The following CDH7 variants were observed in gnomAD, a reference collection of about 807,000 sequenced individuals.
CDH7 encodes cadherin-7.
A neutral mutation model predicts 71.8 loss-of-function variants in CDH7; 25 were observed. That is an observed-to-expected ratio of 0.35 (90% CI 0.25 to 0.49). CDH7 has a LOEUF of 0.49. Among genes scored for constraint, CDH7 ranks in the 20% least tolerant of loss-of-function variants. The pLI is 0.99. For synonymous variants in CDH7, 381 were observed against 363.8 expected (o/e 1.05, Z -0.54); for missense variants, 862 against 974.6 (o/e 0.88, Z 1.54).
At chr18:65,794,664 G>A (rs890624072) in intron 2 of CDH7, among the ~76,000 whole-genome samples, 21 of 151,958 alleles carry the variant, frequency 1.4e-4, no homozygotes, top group Middle Eastern at 3.4e-3. Context: ...TGGATTTTTC[G>A]TGTGGGGAAA....
Position 65,880,816 on chromosome 18 carries a change from C to A in CDH7, c.2280C>A (p.Asp760Glu). Residue 760 changes from aspartate (D) to glutamate (E), a missense_variant, in exon 12 of 12, where the codon GAC becomes GAA. Transcript: ENST00000397968. ...SISSNSDQNY[D>E]YLSDWGPRFK... ...GCTCAAACTCTGATCAGAACTATGA[C>A]TACCTAAGTGACTGGGGACCTCGCT... 6.2e-7 allele frequency: 1 copy of A among 1,614,106 alleles called. No individual in the cohort carries two copies. The highest frequency in any genetic ancestry group is 8.5e-7 in the Non-Finnish European group (1 of 1,180,000).
At chr18:65,762,268 G>T (rs570606092) in intron 1 of CDH7, among the ~76,000 whole-genome samples, 1 of 151,702 alleles carries the variant, frequency 6.6e-6, no homozygotes, top group Non-Finnish European at 1.5e-5. Context: ...TAATACCAAC[G>T]AATGAAAATC....
chr18:65,810,837 G>T (rs1236052321), intron 3 of CDH7, among the ~76,000 whole-genome samples: 3 of 152,158 alleles, frequency 2.0e-5, no homozygotes, highest in Admixed American at 6.5e-5. Flanking sequence ...ACGGTAAGGA[G>T]TTACCCATTT....
intron 4 of CDH7, 65 bp from the exon 5 acceptor site, chr18:65,822,016 G>A (rs966419110): frequency 3.2e-6 from 4 of 1,237,584 alleles, no homozygotes; most frequent in Admixed American, 3.4e-5. Flanking sequence ...ACTTGTATCA[G>A]TATTCTTTGT....
At chr18:65,800,554 G>A (rs1330473849) in intron 2 of CDH7, among the ~76,000 whole-genome samples, 3 of 152,146 alleles carry the variant, frequency 2.0e-5, no homozygotes, top group Admixed American at 6.5e-5. Context: ...CTCAGGCAGA[G>A]CTCAAAAATT....
chr18:65,799,611 GC>G (rs1211118383), intron 2 of CDH7, among the ~76,000 whole-genome samples: 2 of 152,026 alleles, frequency 1.3e-5, no homozygotes, highest in Non-Finnish European at 2.9e-5. Flanking sequence ...AGGAGGCGGA[GC>G]TTGCAGTGAG....
intron 5 of CDH7, 112 bp from the exon 6 acceptor site, chr18:65,824,532 T>C (rs1912053287): frequency 1.7e-6 from 1 of 592,666 alleles, no homozygotes; most frequent in African/African-American, 1.9e-5. Flanking sequence ...GCATATATTT[T>C]ATTAAAAAAT....
intron 1 of CDH7, among the ~76,000 whole-genome samples, chr18:65,761,038 A>G (rs1216803411): frequency 2.0e-5 from 3 of 152,246 alleles, no homozygotes; most frequent in Non-Finnish European, 4.4e-5. Flanking sequence ...GGTGGTTTCT[A>G]AATGGAATAA....
chr18:65,849,561 C>T (rs539549825), intron 7 of CDH7, among the ~76,000 whole-genome samples: 147 of 151,574 alleles, frequency 9.7e-4, no homozygotes, highest in Non-Finnish European at 1.8e-3. Flanking sequence ...TACAGGCATC[C>T]GCCACCACAC....
chr18:65,857,145 G>C (rs1243486791), intron 7 of CDH7, among the ~76,000 whole-genome samples: 1 of 151,486 alleles, frequency 6.6e-6, no homozygotes, highest in East Asian at 1.9e-4. Context: ...TCGTGACCAG[G>C]GTTACCAAAT....
intron 7 of CDH7, among the ~76,000 whole-genome samples, chr18:65,848,024 CTTG>C (rs1191780901): frequency 1.1e-4 from 17 of 151,818 alleles, no homozygotes; most frequent in African/African-American, 4.1e-4. Context: ...ACGTTTCCGG[CTTG>C]TTATTTGATA....
chr18:65,836,484 G>A (rs1912536989), intron 6 of CDH7, among the ~76,000 whole-genome samples: 2 of 151,930 alleles, frequency 1.3e-5, no homozygotes, highest in Non-Finnish European at 2.9e-5. Context: ...CTCCTGATAT[G>A]TATATCATTA....
chr18:65,816,580 G>A (rs1266957654), intron 4 of CDH7, among the ~76,000 whole-genome samples: 2 of 152,138 alleles, frequency 1.3e-5, no homozygotes, highest in Non-Finnish European at 2.9e-5. Context: ...GGCCATCACT[G>A]TTAGGTGCAT....
At chr18:65,803,689 G>A (rs1300534108) in intron 2 of CDH7, 5 of 151,960 alleles carry the variant, frequency 3.3e-5, no homozygotes, top group Admixed American at 1.3e-4. Context: ...TTTATAATAT[G>A]TATATTCAGG....
chr18:65,754,253 A>T (rs12454302), intron 1 of CDH7, among the ~76,000 whole-genome samples: 54,054 of 152,002 alleles, frequency 0.36, 10,002 homozygotes, highest in Middle Eastern at 0.48. Context: ...ATCCACTTTG[A>T]GAAGTTTTCT....
chr18:65,855,710 A>G (rs552895653), intron 7 of CDH7, among the ~76,000 whole-genome samples: 6 of 152,286 alleles, frequency 3.9e-5, no homozygotes, highest in African/African-American at 1.4e-4. Context: ...TGTTCAGGAA[A>G]TATGAGAAGA....
chr18:65,829,857 G>A (rs1912275881), intron 6 of CDH7, among the ~76,000 whole-genome samples: 1 of 150,032 alleles, frequency 6.7e-6, no homozygotes, highest in Admixed American at 6.7e-5. Flanking sequence ...GAATGTAGAT[G>A]TCCCAGTTCC....
rs1186763877 is a variant in CDH7 at position 65,773,944 on chromosome 18, T to G, written c.210+10892T>G. ...TTTACACCCCCACACTAATTTTAAA[T>G]GAACACTTAAAAAAAATGAAATAAT... On this transcript the variant is annotated intron_variant, in intron 2 of 11. Coordinates refer to ENST00000397968, the MANE Select transcript of CDH7 (RefSeq NM_004361.5). Among the ~76,000 whole-genome samples the G allele has an allele frequency of 2.6e-5, 4 of 152,154 alleles. No homozygotes were observed. The South Asian group carries it at 6.2e-4, about 24-fold the overall frequency.
At chr18:65,788,909 G>A (rs185921928) in intron 2 of CDH7, among the ~76,000 whole-genome samples, 2 of 152,176 alleles carry the variant, frequency 1.3e-5, no homozygotes, top group East Asian at 3.9e-4. Flanking sequence ...ATGGGTTAAG[G>A]AAGTGTAAAA....
Sources: allele counts gnomAD v4.1 joint callset (sites outside exome capture counted in the v4.1 genomes callset), GRCh38; gene constraint gnomAD v4.1.1; transcripts MANE v1.5; gene names NCBI Gene and HGNC (gene_info 2026-07-23, HGNC 2026-07-21).